The following KAT2B variants were observed in gnomAD, a reference collection of about 807,000 sequenced individuals.
KAT2B encodes histone acetyltransferase KAT2B.
In KAT2B, 36 loss-of-function variants were observed where a neutral mutation model predicts 105.9. The observed-to-expected ratio is 0.34, with a 90% CI of 0.26 to 0.45. The LOEUF (loss-of-function observed/expected upper bound fraction) is 0.45. Ranked by LOEUF, KAT2B falls within the 20% of genes least tolerant of loss-of-function variation. The probability of loss-of-function intolerance (pLI) is 1.00; values close to 1 mark genes in which losing one functional copy is unlikely to be tolerated. For missense variants in KAT2B, 820 were observed against 1,021.6 expected, an observed-to-expected ratio of 0.80 and a Z score of 2.69; for synonymous variants, 397 against 377.9, an observed-to-expected ratio of 1.05 and a Z score of -0.59.
intron 5 of KAT2B, among the ~76,000 whole-genome samples, chr3:20,110,853 T>C (rs1424189723): frequency 6.6e-6 from 1 of 152,044 alleles, no homozygotes; most frequent in Non-Finnish European, 1.5e-5. Context: ...CTGGTCTGGG[T>C]CCTCCTCCAG....
Position 20,119,740 on chromosome 3 carries a change from G to A in KAT2B, c.1276+17G>A, listed in dbSNP as rs755664243. 2 of 1,613,388 alleles carry A rather than the reference G, an allele frequency of 1.2e-6. No individual in the cohort carries two copies. The highest frequency in any genetic ancestry group is 4.5e-5 in the East Asian group (2 of 44,850). On this transcript the variant is annotated intron_variant, in intron 8 of 17. Coordinates refer to ENST00000263754, the MANE Select transcript of KAT2B (RefSeq NM_003884.5). ...CAAACCCAGGTAAGCTCTTAAGAGGGGATAAGAGAGGGCTGTGACTTGCTC... is the reference window on the plus strand; with the variant it reads ...CAAACCCAGGTAAGCTCTTAAGAGGAGATAAGAGAGGGCTGTGACTTGCTC...
chr3:20,072,284 C>T (rs780640772), intron 1 of KAT2B, 49 bp from the exon 2 acceptor site: 4 of 1,592,806 alleles, frequency 2.5e-6, no homozygotes, highest in South Asian at 1.1e-5. Flanking sequence ...ACCATCAGTC[C>T]ACGGCTGCCT....
chr3:20,132,729 A>C (rs575138195), intron 11 of KAT2B, among the ~76,000 whole-genome samples: 1 of 152,348 alleles, frequency 6.6e-6, no homozygotes, highest in Non-Finnish European at 1.5e-5. Flanking sequence ...AGATTTTTGG[A>C]GAGATGGCAA....
chr3:20,125,798 C>T, intron 9 of KAT2B, 107 bp from the exon 10 acceptor site: 1 of 903,882 alleles, frequency 1.1e-6, no homozygotes, highest in Non-Finnish European at 1.8e-6. Context: ...TGAAAATCCA[C>T]AAATGTGTAT....
rs1394179030 is a variant in KAT2B, at chr3:20,078,204, ATAAAAAG to A, written c.430+5746_430+5752del. ...CAAAAATAAATAAATAAATAAATAA[ATAAAAAG>A]GCAGCCTGTTTTTACGAGCAGGAAA... On this transcript the variant is annotated intron_variant, in intron 2 of 17. Coordinates refer to ENST00000263754, the MANE Select transcript of KAT2B (RefSeq NM_003884.5). Among the ~76,000 whole-genome samples the A allele has an allele frequency of 1.2e-3, 176 of 152,216 alleles. 1 individual carries two copies. Among genetic ancestry groups the A allele is most frequent in the African/African-American group, 4.1e-3 (169 of 41,546 alleles).
chr3:20,146,441 A>G lies in KAT2B; in HGVS notation c.2119+11A>G, dbSNP rs1699785011. On this transcript the variant is annotated intron_variant, in intron 14 of 17. Coordinates refer to ENST00000263754, the MANE Select transcript of KAT2B (RefSeq NM_003884.5). ...GCATTCCTGGAATTAGTACGTATAG[A>G]CCTTCTTTTAAAAGCGAAATTTTTT... The G allele has an allele frequency of 6.6e-6, 10 of 1,518,136 alleles. No individual in the cohort carries two copies. The highest frequency in any genetic ancestry group is 5.4e-6 in the Non-Finnish European group (6 of 1,106,786). The allele number at this position is 1,518,136 out of a possible 1,614,324, so 94.0% of individuals were successfully genotyped here. A position where few individuals can be genotyped will look rare whatever the true frequency, so the allele number is the denominator to read the frequency against.
chr3:20,040,522 A>AGCCGGGGCAGGG lies in KAT2B; in HGVS notation c.52_63dup (p.Ala18_Gly21dup), dbSNP rs1404942042. 7 of 1,006,660 alleles carry AGCCGGGGCAGGG rather than the reference A, an allele frequency of 7.0e-6. No homozygotes were observed. The African/African-American group carries it at 1.2e-4, about 18-fold the overall frequency. The allele number at this position is 1,006,660 out of a possible 1,614,324, so 62.4% of individuals were successfully genotyped here. Reference sequence around the variant, plus strand: ...CCGGGCCGGGCGGCTGCGGGGCAGGAGCCGGGGCAGGGGCCGGGCCCGGGG... The same window carrying AGCCGGGGCAGGG: ...CCGGGCCGGGCGGCTGCGGGGCAGGAGCCGGGGCAGGGGCCGGGGCAGGGGCCGGGCCCGGGG... On this transcript the variant is annotated inframe_insertion, in exon 1 of 18. Coordinates refer to ENST00000263754, the MANE Select transcript of KAT2B (RefSeq NM_003884.5).
intron 2 of KAT2B, among the ~76,000 whole-genome samples, chr3:20,079,262 T>C (rs1698477273): frequency 7.3e-6 from 1 of 136,556 alleles, no homozygotes; most frequent in Non-Finnish European, 1.5e-5. Flanking sequence ...TGGAGTGCAA[T>C]GGTGCAATCT....
chr3:20,043,828 G>A (rs1386448517), intron 1 of KAT2B, among the ~76,000 whole-genome samples: 2 of 152,078 alleles, frequency 1.3e-5, no homozygotes, highest in Non-Finnish European at 2.9e-5. Context: ...CTTAATATGA[G>A]CAAGCCCAAA....
At position 20,040,585 on chromosome 3, in the gene KAT2B, C is replaced by G. The variant is rs1023602123; in HGVS notation, c.108C>G (p.Pro36=). 7 of 1,174,966 alleles carry G rather than the reference C, an allele frequency of 6.0e-6. No individual in the cohort carries two copies. Among genetic ancestry groups the G allele is most frequent in the African/African-American group, 4.8e-5 (3 of 62,010 alleles). The allele number at this position is 1,174,966 out of a possible 1,614,324, so 72.8% of individuals were successfully genotyped here. A position where few individuals can be genotyped will look rare whatever the true frequency, so the allele number is the denominator to read the frequency against. ...AGCCTGCGGCGCTTCCGCCCGCGCC[C>G]CCGCAGGGCTCCCCCTGCGCCGCTG... The part of the protein sequence containing the change: ...PPQPAALPPA[P]PQGSPCAAAA... The change falls in exon 1 of 18, where the codon CCC becomes CCG. Residue 36 remains proline, a synonymous_variant. Transcript: ENST00000263754.
chr3:20,040,461 C>G lies in KAT2B; in HGVS notation c.-17C>G. 2 of 1,080,308 alleles carry G rather than the reference C, an allele frequency of 1.9e-6. No individual in the cohort carries two copies. The highest frequency in any genetic ancestry group is 2.2e-6 in the Non-Finnish European group (2 of 892,984). 66.9% of individuals were successfully genotyped at this position (1,080,308 alleles called of 1,614,324 possible). A position where few individuals can be genotyped will look rare whatever the true frequency, so the allele number is the denominator to read the frequency against. On this transcript the variant is annotated 5_prime_UTR_variant, in exon 1 of 18. Coordinates refer to ENST00000263754, the MANE Select transcript of KAT2B (RefSeq NM_003884.5). ...GGCGCCTGACACTCGGCGCCTCCTG[C>G]CGTGCTCCGGGGCGGCATGTCCGAG...
At chr3:20,111,512 T>C in intron 5 of KAT2B, 84 bp from the exon 6 acceptor site, 1 of 1,112,546 alleles carries the variant, frequency 9.0e-7, no homozygotes, top group Non-Finnish European at 1.3e-6. Context: ...CTATAGTTAA[T>C]AGTACGAGAT....
intron 1 of KAT2B, among the ~76,000 whole-genome samples, chr3:20,048,769 C>A (rs76101657): frequency 0.018 from 2,732 of 152,296 alleles, 74 homozygotes; most frequent in African/African-American, 0.061. Flanking sequence ...TCATCTGATT[C>A]AAACGGGGAA....
intron 7 of KAT2B, among the ~76,000 whole-genome samples, chr3:20,117,823 C>T (rs529652687): frequency 6.6e-6 from 1 of 152,144 alleles, no homozygotes; most frequent in Non-Finnish European, 1.5e-5. Flanking sequence ...AGCTACCAGT[C>T]AGCAACACAG....
At chr3:20,068,063 C>G (rs1451241210) in intron 1 of KAT2B, among the ~76,000 whole-genome samples, 2 of 151,530 alleles carry the variant, frequency 1.3e-5, no homozygotes, top group African/African-American at 4.9e-5. Context: ...GTGGCGCAAT[C>G]TTGGCTCACT....
chr3:20,065,076 C>T (rs1001701482), intron 1 of KAT2B, among the ~76,000 whole-genome samples: 3 of 152,178 alleles, frequency 2.0e-5, no homozygotes, highest in Admixed American at 2.0e-4. Context: ...CTGGTTTCTG[C>T]ATACTATAAC....
rs762403927 is a variant in KAT2B at position 20,125,927 on chromosome 3, C to T, written c.1436C>T (p.Ser479Leu). The change falls in exon 10 of 18, where the codon TCG becomes TTG. Residue 479 changes from serine to leucine, a missense_variant. Physicochemically the swap from Ser to Leu is moderately radical, Grantham distance 145. This residue lies in a region of KAT2B where 225 missense variants were observed against 268.1 expected (regional missense o/e 0.84). Coordinates refer to ENST00000263754, the MANE Select transcript of KAT2B (RefSeq NM_003884.5). ...GPETNFLSAHSARDEAARLEE... is the reference protein window; with the variant it reads ...GPETNFLSAHLARDEAARLEE... ...CAGACCAATTTTCTGTCAGCACACT[C>T]GGCCAGGGATGAGGCGGCAAGGTTG... The T allele has an allele frequency of 3.7e-5, 59 of 1,613,722 alleles. No homozygotes were observed. The East Asian group carries it at 7.1e-4, about 19-fold the overall frequency.
At chr3:20,047,430 C>T (rs978498186) in intron 1 of KAT2B, among the ~76,000 whole-genome samples, 4 of 151,972 alleles carry the variant, frequency 2.6e-5, no homozygotes, top group Non-Finnish European at 5.9e-5. Flanking sequence ...AATCTCACTT[C>T]GTGAATCATG....
rs766077980 is a variant in KAT2B at position 20,119,708 on chromosome 3, C to T, written c.1261C>T (p.Leu421Phe). ...TCCTGCCTGCAAAGCCTCTTCTGGA[C>T]TTGAGGCAAACCCAGGTAAGCTCTT... The part of the protein sequence containing the change: ...SSPACKASSG[L>F]EANPGEKRKM... The change falls in exon 8 of 18, where the codon CTT becomes TTT. Residue 421 changes from leucine (L) to phenylalanine (F), a missense_variant. By Grantham distance (22) the Leu-to-Phe change is conservative. This residue lies in a region of KAT2B where 225 missense variants were observed against 268.1 expected (regional missense o/e 0.84). Transcript: ENST00000263754. 1.3e-5 allele frequency: 21 copies of T among 1,613,948 alleles called. No individual in the cohort carries two copies. The South Asian group carries it at 1.9e-4, about 14-fold the overall frequency.
Sources: allele counts gnomAD v4.1 joint callset (sites outside exome capture counted in the v4.1 genomes callset), GRCh38; gene constraint gnomAD v4.1.1; regional missense constraint gnomAD v4.1.1; transcripts MANE v1.5; gene names NCBI Gene and HGNC (gene_info 2026-07-23, HGNC 2026-07-21).